Variants in CASK observed in about 807,000 individuals in gnomAD.
CASK encodes the protein peripheral plasma membrane protein CASK.
A neutral mutation model predicts 82.9 loss-of-function variants in CASK; 4 were observed. The ratio of observed to expected loss-of-function variants is 0.05; its 90% CI spans 0.02 to 0.11. The LOEUF (loss-of-function observed/expected upper bound fraction) is 0.11, where lower values mean the gene tolerates loss of function less well. Among genes scored for constraint, CASK ranks in the 10% least tolerant of loss-of-function variants. The pLI is 1.00. For synonymous variants in CASK, 259 were observed against 253.5 expected (o/e 1.02, Z -0.20); for missense variants, 358 against 720.9 (o/e 0.50, Z 5.76).
intron 11 of CASK, among the ~76,000 whole-genome samples, chrX:41,614,467 T>C (rs1049530202): frequency 8.9e-6 from 1 of 112,227 alleles, no homozygotes. Flanking sequence ...ATCCAGGTTG[T>C]TGTGTGGATG....
chrX:41,680,495 T>A (rs947985235), intron 5 of CASK, among the ~76,000 whole-genome samples: 2 of 108,741 alleles, frequency 1.8e-5, no homozygotes, highest in Admixed American at 9.9e-5. Context: ...ATAATAATAA[T>A]AAAAATAAAA....
intron 3 of CASK, among the ~76,000 whole-genome samples, chrX:41,770,109 C>T (rs1196726444): frequency 5.4e-5 from 6 of 110,573 alleles, no homozygotes; most frequent in African/African-American, 1.6e-4. Context: ...ACAATAAAAG[C>T]AAACCCACAG....
At chrX:41,642,104 C>G (rs1212872479) in intron 8 of CASK, among the ~76,000 whole-genome samples, 1 of 111,003 alleles carries the variant, frequency 9.0e-6, no homozygotes, top group Admixed American at 9.6e-5. Context: ...CATAGTATTC[C>G]ATGGTGTATA....
chrX:41,775,291 C>T (rs5918242), intron 3 of CASK, among the ~76,000 whole-genome samples: 21,337 of 111,038 alleles, frequency 0.19, 1,640 homozygotes, highest in Middle Eastern at 0.3. Flanking sequence ...AAACTGCTCA[C>T]CATCACTGGC....
intron 15 of CASK, among the ~76,000 whole-genome samples, chrX:41,571,230 T>C (rs2065407490): frequency 8.9e-6 from 1 of 111,912 alleles, no homozygotes; most frequent in African/African-American, 3.2e-5. Context: ...AAAGAGTTTG[T>C]ATAGAATTGG....
At chrX:41,779,344 T>G (rs2069426752) in intron 3 of CASK, among the ~76,000 whole-genome samples, 1 of 112,117 alleles carries the variant, frequency 8.9e-6, no homozygotes, top group African/African-American at 3.2e-5. Flanking sequence ...GGGAGACCCT[T>G]GAAAGCTTGT....
chrX:41,749,845 T>C (rs909390988), intron 3 of CASK, among the ~76,000 whole-genome samples: 6 of 112,218 alleles, frequency 5.3e-5, no homozygotes, highest in Non-Finnish European at 1.1e-4. Flanking sequence ...GAACATGATA[T>C]GTCTCTCCAC....
At chrX:41,750,096 C>A (rs1198203013) in intron 3 of CASK, among the ~76,000 whole-genome samples, 1 of 110,558 alleles carries the variant, frequency 9.0e-6, no homozygotes, top group Non-Finnish European at 1.9e-5. Context: ...GAAAGAGAGG[C>A]ATCACTGTGA....
At chrX:41,622,738 G>T (rs943328065) in intron 10 of CASK, 104 bp from the exon 11 acceptor site, 3 of 618,252 alleles carry the variant, frequency 4.9e-6, no homozygotes, top group Admixed American at 3.2e-5. Context: ...CCAGAAGCAT[G>T]GTCCCCCAGC....
chrX:41,787,491 C>T (rs561303627), intron 2 of CASK, among the ~76,000 whole-genome samples: 1 of 103,256 alleles, frequency 9.7e-6, no homozygotes, highest in African/African-American at 3.6e-5. Context: ...AATCTATATA[C>T]AGTATAGAGT....
chrX:41,917,577 A>C (rs1325673318), intron 1 of CASK, among the ~76,000 whole-genome samples: 2 of 112,317 alleles, frequency 1.8e-5, no homozygotes, highest in Non-Finnish European at 3.8e-5. Context: ...GGGACACTTG[A>C]GACGTAGTTC....
intron 5 of CASK, chrX:41,727,946 T>C: frequency 8.5e-7 from 1 of 1,171,870 alleles, no homozygotes; most frequent in Non-Finnish European, 1.2e-6. Flanking sequence ...ACAGACCCCA[T>C]TATATTTCTT....
intron 1 of CASK, among the ~76,000 whole-genome samples, chrX:41,902,508 C>T (rs1458894578): frequency 1.8e-5 from 2 of 111,701 alleles, no homozygotes. Context: ...TAAACTGGGT[C>T]CATCCAAATA....
intron 2 of CASK, among the ~76,000 whole-genome samples, chrX:41,846,103 T>C (rs952533043): frequency 4.5e-5 from 5 of 111,475 alleles, no homozygotes; most frequent in African/African-American, 1.6e-4. Context: ...AATCAGAATA[T>C]TGAAGAGGTA....
intron 8 of CASK, among the ~76,000 whole-genome samples, chrX:41,648,118 C>T (rs185466738): frequency 2.7e-5 from 3 of 111,583 alleles, no homozygotes; most frequent in East Asian, 5.6e-4. Context: ...CAGCATGGAA[C>T]GTCCCTGAGA....
chrX:41,847,801 T>A (rs2071187800), intron 2 of CASK, among the ~76,000 whole-genome samples: 1 of 112,045 alleles, frequency 8.9e-6, no homozygotes, highest in Admixed American at 9.5e-5. Flanking sequence ...CTCTGCTTAT[T>A]TAGTTTAGTC....
intron 15 of CASK, among the ~76,000 whole-genome samples, chrX:41,576,031 G>C (rs1484994119): frequency 9.2e-6 from 1 of 108,554 alleles, no homozygotes; most frequent in Non-Finnish European, 1.9e-5. Flanking sequence ...CTGGAGTGCA[G>C]TGGCGCGATC....
chrX:41,823,347 C>T (rs2070590703), intron 2 of CASK, among the ~76,000 whole-genome samples: 1 of 104,452 alleles, frequency 9.6e-6, no homozygotes, highest in Admixed American at 1.0e-4. Flanking sequence ...TTAGCTCTCT[C>T]TTCTGGCAAA....
chrX:41,787,045 T>A (rs2069621616), intron 3 of CASK, 133 bp downstream of exon 3: 2 of 506,621 alleles, frequency 3.9e-6, no homozygotes, highest in South Asian at 5.3e-5. Context: ...TAATCCTTTT[T>A]TCTTGTGACT....
Sources: gnomAD v4.1 joint callset for allele counts (sites outside exome capture counted in the v4.1 genomes callset) on GRCh38, gnomAD v4.1.1 for gene constraint, MANE v1.5 for transcripts, NCBI Gene and HGNC (gene_info 2026-07-23, HGNC 2026-07-21) for gene names.